RASSF4: variants seen among roughly 807,000 people sequenced by gnomAD.
RASSF4 encodes Ras association domain family member 4, also known as ras association domain-containing protein 4.
In RASSF4, 38 loss-of-function variants were observed where a neutral mutation model predicts 41.1. That is an observed-to-expected ratio of 0.92 (90% CI 0.71 to 1.21). The LOEUF is 1.21. Ranked by LOEUF, RASSF4 falls within the 50% of genes most tolerant of loss-of-function variation. RASSF4 has a pLI of 0.00. For synonymous variants in RASSF4, 179 were observed against 163.4 expected, an observed-to-expected ratio of 1.10 and a Z score of -0.73; for missense variants, 414 against 419.4, an observed-to-expected ratio of 0.99 and a Z score of 0.11.
At chr10:44,991,563 G>A (rs1455090503) in intron 9 of RASSF4, among the ~76,000 whole-genome samples, 1 of 152,182 alleles carries the variant, frequency 6.6e-6, no homozygotes, top group Non-Finnish European at 1.5e-5. Flanking sequence ...CCCTCAGGCT[G>A]CTGCAATTGC....
In RASSF4 at chr10:44,992,074, C is replaced by T; in HGVS notation, c.905+72C>T. On this transcript the variant is annotated intron_variant, in intron 10 of 10. Transcript: ENST00000340258. ...AGGTCTGCAAAGCACAGCACCAGTG[C>T]CGGCTGGGAGGTCTCTCTCCTCCAT... is the stretch of plus-strand genomic sequence containing the variant. 7 of 999,848 alleles carry T rather than the reference C, an allele frequency of 7.0e-6. 1 individual carries two copies. In the South Asian group the frequency reaches 1.0e-4, roughly 14 times the overall value. The allele number at this position is 999,848 out of a possible 1,614,324, so 61.9% of individuals were successfully genotyped here.
chr10:44,981,103 A>C (rs1282704193), intron 3 of RASSF4: 1 of 152,184 alleles, frequency 6.6e-6, no homozygotes, highest in Non-Finnish European at 1.5e-5. Context: ...CATGAAATCC[A>C]CATTGTGCAG....
rs151066058 is a variant in RASSF4 at position 44,982,596 on chromosome 10, C to G, written c.214C>G (p.Gln72Glu). 704 of 1,612,796 alleles carry G rather than the reference C, an allele frequency of 4.4e-4. No individual in the cohort carries two copies. Among genetic ancestry groups the G allele is most frequent in the Non-Finnish European group, 5.5e-4 (649 of 1,179,394 alleles). ...GAGGCGGCCCATCCGGCTGCAGATG[C>G]AGGATGACCGGGAGCAGGTGCACCT... is the stretch of plus-strand genomic sequence containing the variant. Reference protein sequence around the residue: ...GLRRPIRLQMQDDREQVHLPS... With the variant: ...GLRRPIRLQMEDDREQVHLPS... The change falls in exon 4 of 11, where the codon CAG (glutamine) becomes GAG (glutamate). Residue 72 changes from glutamine (Q) to glutamate (E), a missense_variant. Physicochemically the swap from Gln to Glu is conservative, Grantham distance 29. Transcript: ENST00000340258.
chr10:44,963,772 C>T (rs1484122503), intron 1 of RASSF4, among the ~76,000 whole-genome samples: 1 of 152,250 alleles, frequency 6.6e-6, no homozygotes, highest in Admixed American at 6.5e-5. Flanking sequence ...TAACCAAGCT[C>T]TCAGACTTCA....
chr10:44,987,745 G>A (rs1841974032), intron 6 of RASSF4, among the ~76,000 whole-genome samples: 1 of 151,156 alleles, frequency 6.6e-6, no homozygotes, highest in Non-Finnish European at 1.5e-5. Context: ...TTGTGTCTCT[G>A]TGTCAGATTT....
chr10:44,974,004 C>A lies in RASSF4; in HGVS notation c.138+2156C>A, dbSNP rs564851505. On this transcript the variant is annotated intron_variant, in intron 3 of 10. Coordinates refer to ENST00000340258, the MANE Select transcript of RASSF4 (RefSeq NM_032023.4). The stretch of plus-strand genomic sequence containing the variant: ...GGAAAATTCTGTAGCCTTAACAGCC[C>A]AGGGTACCGGTACCGGCCTGAAGAA... Among the ~76,000 whole-genome samples, 30 of 61,290 alleles carry A rather than the reference C, an allele frequency of 4.9e-4. No homozygotes were observed. The East Asian group carries it at 0.01, about 21-fold the overall frequency. 40.2% of individuals were successfully genotyped at this position (61,290 alleles called of 152,430 possible).
chr10:44,990,876 C>G, intron 8 of RASSF4, 72 bp from the exon 9 acceptor site: 1 of 1,517,042 alleles, frequency 6.6e-7, no homozygotes, highest in Non-Finnish European at 9.0e-7. Context: ...CATTTTCTAT[C>G]AGTTCCTAAT....
Position 44,994,615 on chromosome 10 carries a change from G to C in RASSF4, c.*1286G>C, listed in dbSNP as rs971494492. ...CCAGCTCCATCATCACAGACACAGA[G>C]AGCTGCAGGGGAGGCCTGCCCACTG... On this transcript the variant is annotated 3_prime_UTR_variant, in exon 11 of 11. Coordinates refer to ENST00000340258, the MANE Select transcript of RASSF4 (RefSeq NM_032023.4). 4 of 152,214 alleles carry C rather than the reference G, an allele frequency of 2.6e-5. No homozygotes were observed. The highest frequency in any genetic ancestry group is 5.9e-5 in the Non-Finnish European group (4 of 68,064). 9.4% of individuals were successfully genotyped at this position (152,214 alleles called of 1,614,324 possible). A position where few individuals can be genotyped will look rare whatever the true frequency, so the allele number is the denominator to read the frequency against.
chr10:44,978,010 G>A, intron 3 of RASSF4: 1 of 1,610,870 alleles, frequency 6.2e-7, no homozygotes, highest in East Asian at 2.2e-5. Flanking sequence ...GGGCCACGGA[G>A]AGCAGAAGCC....
chr10:44,980,267 C>T (rs1462796444), intron 3 of RASSF4, among the ~76,000 whole-genome samples: 1 of 152,216 alleles, frequency 6.6e-6, no homozygotes, highest in Non-Finnish European at 1.5e-5. Context: ...GCACATGGCA[C>T]TTCTCACCTT....
rs563782136 is a variant in RASSF4, at chr10:44,965,708, C to T, written c.-38-4457C>T. 2.0e-4 allele frequency among the ~76,000 whole-genome samples: 30 copies of T among 152,344 alleles called. No homozygotes were observed. The South Asian group carries it at 5.6e-3, about 28-fold the overall frequency. Reference sequence around the variant, plus strand: ...CTGAGCCACCTCCCTTAGCTTTGCTCGCTGACCCCCCTGCCCTCCCCTGGG... The same window carrying T: ...CTGAGCCACCTCCCTTAGCTTTGCTTGCTGACCCCCCTGCCCTCCCCTGGG... On this transcript the variant is annotated intron_variant, in intron 1 of 10. Coordinates refer to ENST00000340258, the MANE Select transcript of RASSF4 (RefSeq NM_032023.4).
At chr10:44,964,459 G>C (rs925636756) in intron 1 of RASSF4, among the ~76,000 whole-genome samples, 4 of 152,218 alleles carry the variant, frequency 2.6e-5, no homozygotes, top group Non-Finnish European at 5.9e-5. Flanking sequence ...CCTGCTGGCC[G>C]ACTTGGCCTG....
intron 1 of RASSF4, 138 bp downstream of exon 1, chr10:44,960,004 A>G (rs1353914147): frequency 6.6e-6 from 1 of 152,264 alleles, no homozygotes; most frequent in Non-Finnish European, 1.5e-5. Flanking sequence ...CTCCCCCGCC[A>G]GCCTGGCGCA....
At chr10:44,963,850 C>T (rs1724884160) in intron 1 of RASSF4, among the ~76,000 whole-genome samples, 1 of 152,228 alleles carries the variant, frequency 6.6e-6, no homozygotes, top group Non-Finnish European at 1.5e-5. Context: ...GAGGACACCA[C>T]ATCTGTGTTG....
intron 1 of RASSF4, among the ~76,000 whole-genome samples, chr10:44,963,706 A>G (rs191310614): frequency 6.6e-6 from 1 of 152,338 alleles, no homozygotes; most frequent in East Asian, 1.9e-4. Context: ...TTTGATTTAA[A>G]TCACGCTGAA....
At chr10:44,968,590 G>A (rs755325907) in intron 1 of RASSF4, among the ~76,000 whole-genome samples, 10 of 152,210 alleles carry the variant, frequency 6.6e-5, no homozygotes, top group Non-Finnish European at 1.2e-4. Flanking sequence ...CTAGCACAGA[G>A]GGCAGGTTTG....
At chr10:44,993,059 A>T (rs1842177214) in intron 10 of RASSF4, among the ~76,000 whole-genome samples, 1 of 152,230 alleles carries the variant, frequency 6.6e-6, no homozygotes, top group South Asian at 2.1e-4. Flanking sequence ...AGAAATGACA[A>T]CACTCTGCTC....
At chr10:44,984,296 T>C (rs1841834489) in intron 5 of RASSF4, 183 bp downstream of exon 5, 1 of 618,930 alleles carries the variant, frequency 1.6e-6, no homozygotes, top group Non-Finnish European at 2.8e-6. Context: ...TCGCTCCTTT[T>C]TATGGAAAAG....
chr10:44,968,587 A>G (rs3814566), intron 1 of RASSF4, among the ~76,000 whole-genome samples: 98,894 of 152,022 alleles, frequency 0.65, 32,710 homozygotes, highest in Non-Finnish European at 0.71. Context: ...ATGCTAGCAC[A>G]GAGGGCAGGT....
Sources: gnomAD v4.1 joint callset for allele counts (sites outside exome capture counted in the v4.1 genomes callset) on GRCh38, gnomAD v4.1.1 for gene constraint, MANE v1.5 for transcripts, NCBI Gene and HGNC (gene_info 2026-07-23, HGNC 2026-07-21) for gene names.